Variants in MED13L observed in about 807,000 individuals in gnomAD.
MED13L encodes mediator complex subunit 13L, also known as mediator of RNA polymerase II transcription subunit 13-like.
Under a neutral mutation model 220.9 loss-of-function variants are expected in MED13L, and 7 were observed. The ratio of observed to expected loss-of-function variants is 0.03; its 90% CI spans 0.02 to 0.06. The LOEUF is 0.06. MED13L is among the 10% of genes least tolerant of loss of function. MED13L has a pLI of 1.00. For synonymous variants in MED13L, 1,011 were observed against 1,015.2 expected (o/e 1.00, Z 0.08); for missense variants, 1,965 against 2,760.5 (o/e 0.71, Z 6.46).
chr12:116,134,896 G>A (rs1486509496), intron 2 of MED13L, among the ~76,000 whole-genome samples: 5 of 152,104 alleles, frequency 3.3e-5, no homozygotes, highest in Non-Finnish European at 4.4e-5. Flanking sequence ...GTGGCCGGGC[G>A]CAGTGGCTCA....
At chr12:116,275,991 C>T (rs188903241) in intron 1 of MED13L, among the ~76,000 whole-genome samples, 2 of 152,270 alleles carry the variant, frequency 1.3e-5, no homozygotes, top group Admixed American at 1.3e-4. Flanking sequence ...AGCCTAAACG[C>T]CAGGTTTAAC....
At chr12:115,998,567 C>T (rs1878551967) in intron 14 of MED13L, among the ~76,000 whole-genome samples, 1 of 152,184 alleles carries the variant, frequency 6.6e-6, no homozygotes. Context: ...GGATGACTCT[C>T]AATGGGCCTA....
intron 2 of MED13L, among the ~76,000 whole-genome samples, chr12:116,233,602 T>C (rs1324423190): frequency 1.3e-5 from 2 of 152,224 alleles, no homozygotes; most frequent in South Asian, 2.1e-4. Flanking sequence ...CTGTAGGTCT[T>C]TGCACAGTAG....
At chr12:116,108,873 G>A (rs1364701080) in intron 3 of MED13L, among the ~76,000 whole-genome samples, 1 of 152,052 alleles carries the variant, frequency 6.6e-6, no homozygotes, top group Non-Finnish European at 1.5e-5. Context: ...GAGGCATTAT[G>A]TGGCACACAT....
intron 2 of MED13L, among the ~76,000 whole-genome samples, chr12:116,169,562 T>C (rs1435400387): frequency 6.6e-6 from 1 of 152,202 alleles, no homozygotes. Context: ...TTGGTTGAAG[T>C]ATACAAAGAA....
intron 1 of MED13L, among the ~76,000 whole-genome samples, chr12:116,244,530 GAAGA>G (rs1870932888): frequency 1.3e-5 from 2 of 152,316 alleles, no homozygotes; most frequent in South Asian, 2.1e-4. Context: ...TCCTAAACAT[GAAGA>G]AAGAGATACA....
At chr12:116,179,256 G>A (rs61935842) in intron 2 of MED13L, among the ~76,000 whole-genome samples, 2 of 151,318 alleles carry the variant, frequency 1.3e-5, no homozygotes, top group Non-Finnish European at 2.9e-5. Flanking sequence ...TTTTAAAGGG[G>A]AATATTTTGG....
intron 2 of MED13L, among the ~76,000 whole-genome samples, chr12:116,117,198 G>A (rs1457447689): frequency 5.3e-5 from 8 of 151,998 alleles, no homozygotes; most frequent in Admixed American, 3.3e-4. Context: ...CAGACTATGT[G>A]CTGTATGATT....
intron 4 of MED13L, among the ~76,000 whole-genome samples, chr12:116,063,501 G>T (rs1262431635): frequency 6.6e-6 from 1 of 152,172 alleles, no homozygotes. Flanking sequence ...CTGGGCAACA[G>T]AACAAGACCC....
chr12:116,265,906 T>C (rs534501889), intron 1 of MED13L, among the ~76,000 whole-genome samples: 1 of 152,298 alleles, frequency 6.6e-6, no homozygotes, highest in Non-Finnish European at 1.5e-5. Context: ...ATCCATTCCT[T>C]CAACATCCAG....
At chr12:116,089,323 G>A (rs1431893176) in intron 4 of MED13L, among the ~76,000 whole-genome samples, 1 of 152,110 alleles carries the variant, frequency 6.6e-6, no homozygotes, top group Admixed American at 6.6e-5. Context: ...CTCTCAACTA[G>A]CTAGGACTAT....
intron 2 of MED13L, among the ~76,000 whole-genome samples, chr12:116,201,671 A>G (rs1882011768): frequency 6.6e-6 from 1 of 152,178 alleles, no homozygotes; most frequent in Non-Finnish European, 1.5e-5. Flanking sequence ...ACAATTGTAC[A>G]GAGTTTTAGG....
intron 2 of MED13L, among the ~76,000 whole-genome samples, chr12:116,194,041 T>A (rs539760860): frequency 6.6e-6 from 1 of 152,310 alleles, no homozygotes; most frequent in Non-Finnish European, 1.5e-5. Flanking sequence ...GTTTACTCAA[T>A]CAGAATATTT....
At chr12:116,051,905 A>C (rs1868539222) in intron 4 of MED13L, among the ~76,000 whole-genome samples, 3 of 152,304 alleles carry the variant, frequency 2.0e-5, no homozygotes, top group African/African-American at 7.2e-5. Context: ...TATGAATGCA[A>C]GGAATAAGAT....
intron 3 of MED13L, among the ~76,000 whole-genome samples, chr12:116,101,970 T>C (rs1873097568): frequency 6.6e-6 from 1 of 152,210 alleles, no homozygotes; most frequent in South Asian, 2.1e-4. Flanking sequence ...AAATATGATA[T>C]AATGCTGGAA....
intron 1 of MED13L, among the ~76,000 whole-genome samples, chr12:116,251,134 T>TAA (rs888555177): frequency 3.7e-5 from 5 of 135,948 alleles, no homozygotes; most frequent in Non-Finnish European, 8.0e-5. Context: ...AAAGTAGGTT[T>TAA]AAAAAAAAAA....
At chr12:116,210,243 T>C (rs1271484976) in intron 2 of MED13L, among the ~76,000 whole-genome samples, 2 of 152,148 alleles carry the variant, frequency 1.3e-5, no homozygotes, top group Non-Finnish European at 2.9e-5. Context: ...GAATCTTCAG[T>C]GAAATCATTG....
intron 2 of MED13L, among the ~76,000 whole-genome samples, chr12:116,216,007 C>T (rs989138090): frequency 6.6e-6 from 1 of 152,212 alleles, no homozygotes; most frequent in East Asian, 1.9e-4. Flanking sequence ...ATTTAAATTA[C>T]CTTTTCAAAC....
chr12:116,141,021 C>T (rs2138047550), intron 2 of MED13L, among the ~76,000 whole-genome samples: 1 of 152,178 alleles, frequency 6.6e-6, no homozygotes, highest in South Asian at 2.1e-4. Context: ...TAAAATCTGT[C>T]TCTAATCGTG....
Sources: gnomAD v4.1 joint callset for allele counts (sites outside exome capture counted in the v4.1 genomes callset) on GRCh38, gnomAD v4.1.1 for gene constraint, MANE v1.5 for transcripts, NCBI Gene and HGNC (gene_info 2026-07-23, HGNC 2026-07-21) for gene names.